CCDC171: variants seen among roughly 807,000 people sequenced by gnomAD.
CCDC171 encodes the protein coiled-coil domain containing 171, also known as coiled-coil domain-containing protein 171.
Under a neutral mutation model 168.2 loss-of-function variants are expected in CCDC171, and 177 were observed. The ratio of observed to expected loss-of-function variants is 1.05; its 90% CI spans 0.93 to 1.19. CCDC171 has a LOEUF of 1.19. CCDC171 is among the 50% of genes most tolerant of loss of function. The pLI is 0.00. For missense variants in CCDC171, 1,991 were observed against 1,539.0 expected (o/e 1.29, Z -4.91); for synonymous variants, 687 against 540.8 (o/e 1.27, Z -3.75).
chr9:15,765,035 A>G (rs1001050126), intron 18 of CCDC171, among the ~76,000 whole-genome samples: 1 of 152,188 alleles, frequency 6.6e-6, no homozygotes, highest in Non-Finnish European at 1.5e-5. Context: ...AAGCCAAATA[A>G]AGTGTTTTAC....
At chr9:15,803,618 T>G (rs2058932713) in intron 21 of CCDC171, among the ~76,000 whole-genome samples, 1 of 152,156 alleles carries the variant, frequency 6.6e-6, no homozygotes, top group Non-Finnish European at 1.5e-5. Flanking sequence ...TCCATTGGTC[T>G]ATGTGTCTGT....
intron 16 of CCDC171, among the ~76,000 whole-genome samples, chr9:15,743,532 G>A (rs1314701105): frequency 6.6e-6 from 1 of 152,134 alleles, no homozygotes; most frequent in East Asian, 1.9e-4. Context: ...TTCATAGAGA[G>A]AGCCAATTTA....
At chr9:15,609,472 T>C (rs1038911634) in intron 6 of CCDC171, among the ~76,000 whole-genome samples, 4 of 152,194 alleles carry the variant, frequency 2.6e-5, no homozygotes, top group Non-Finnish European at 5.9e-5. Context: ...GATTGTTTTG[T>C]CTTAGATAAC....
intron 9 of CCDC171, among the ~76,000 whole-genome samples, chr9:15,673,113 A>G (rs1199855370): frequency 6.6e-6 from 1 of 152,140 alleles, no homozygotes; most frequent in East Asian, 1.9e-4. Flanking sequence ...TTCTCTTTGT[A>G]GCAATTATGA....
chr9:15,929,833 CAA>C lies in CCDC171; in HGVS notation c.3753+9412_3753+9413del, dbSNP rs563892188. ...AAAGATTTCTCATATTCTAGAAACTCAAGAGTTGTTTTTTCTCTACAGTTTCC... is the reference window on the plus strand; with the variant it reads ...AAAGATTTCTCATATTCTAGAAACTCGAGTTGTTTTTTCTCTACAGTTTCC... On this transcript the variant is annotated intron_variant, in intron 25 of 25. Coordinates refer to ENST00000380701, the MANE Select transcript of CCDC171 (RefSeq NM_173550.4). Among the ~76,000 whole-genome samples, 760 of 151,772 alleles carry C rather than the reference CAA, an allele frequency of 5.0e-3. 2 individuals carry two copies. The highest frequency in any genetic ancestry group is 8.7e-3 in the Non-Finnish European group (590 of 67,766).
At chr9:15,654,808 C>T (rs1362426965) in intron 7 of CCDC171, among the ~76,000 whole-genome samples, 2 of 152,032 alleles carry the variant, frequency 1.3e-5, no homozygotes, top group Non-Finnish European at 2.9e-5. Context: ...GGGTGCAGGA[C>T]AGTGGGTGCA....
intron 7 of CCDC171, among the ~76,000 whole-genome samples, chr9:15,630,641 T>C (rs1308592429): frequency 2.6e-5 from 4 of 152,044 alleles, no homozygotes; most frequent in Admixed American, 6.6e-5. Context: ...AACAAGGATA[T>C]CCAGGAATTG....
intron 10 of CCDC171, among the ~76,000 whole-genome samples, chr9:15,691,161 G>A (rs114437165): frequency 1.7e-3 from 259 of 152,010 alleles, no homozygotes; most frequent in African/African-American, 5.7e-3. Context: ...TTGTAGTGTC[G>A]TCACTAATAG....
At chr9:15,663,608 CTTTTTTTTTT>C (rs56022914) in intron 8 of CCDC171, among the ~76,000 whole-genome samples, 1 of 123,228 alleles carries the variant, frequency 8.1e-6, no homozygotes, top group Non-Finnish European at 1.8e-5. Flanking sequence ...CTTTTTTTTT[CTTTTTTTTTT>C]TTTTTGAGAG....
At chr9:15,566,129 C>T (rs1353455239) in intron 2 of CCDC171, among the ~76,000 whole-genome samples, 1 of 150,494 alleles carries the variant, frequency 6.6e-6, no homozygotes, top group Non-Finnish European at 1.5e-5. Flanking sequence ...TTTGCATGTG[C>T]TTTTTGGTAA....
intron 18 of CCDC171, among the ~76,000 whole-genome samples, chr9:15,777,399 G>A (rs189709527): frequency 1.3e-5 from 2 of 152,040 alleles, no homozygotes; most frequent in Non-Finnish European, 2.9e-5. Context: ...TTTTTTTGAT[G>A]TATTCTTTAG....
At chr9:15,902,281 T>TATATACACAC (rs1554673437) in intron 24 of CCDC171, among the ~76,000 whole-genome samples, 1 of 145,160 alleles carries the variant, frequency 6.9e-6, no homozygotes, top group African/African-American at 2.6e-5. Flanking sequence ...TATATATATA[T>TATATACACAC]ACACACACAC....
At chr9:15,564,920 C>T (rs1376945358) in intron 2 of CCDC171, among the ~76,000 whole-genome samples, 2 of 152,104 alleles carry the variant, frequency 1.3e-5, no homozygotes, top group African/African-American at 2.4e-5. Context: ...TTTACAAAAT[C>T]ATCATGGATG....
chr9:15,809,895 C>T (rs1471955350), intron 21 of CCDC171, among the ~76,000 whole-genome samples: 3 of 152,090 alleles, frequency 2.0e-5, no homozygotes, highest in East Asian at 3.9e-4. Flanking sequence ...GTTCATTTTA[C>T]AGAGAGATGA....
chr9:16,100,901 C>T, the CCDC171 span, among the ~76,000 whole-genome samples: 34 of 152,278 alleles, frequency 2.2e-4, no homozygotes, highest in South Asian at 1.5e-3. Context: ...CTCTCCTCTC[C>T]GATTCCCTAC....
intron 21 of CCDC171, among the ~76,000 whole-genome samples, chr9:15,803,948 C>A (rs192455365): frequency 6.6e-6 from 1 of 151,674 alleles, no homozygotes; most frequent in East Asian, 1.9e-4. Context: ...TGGTCCTTCA[C>A]TTCCCTTGTT....
At chr9:16,064,800 C>G (rs1053656844), downstream of CCDC171, among the ~76,000 whole-genome samples, 1 of 152,202 alleles carries the variant, frequency 6.6e-6, no homozygotes, top group Non-Finnish European at 1.5e-5. Flanking sequence ...TTTCTGTATA[C>G]CACAAAAGCG....
chr9:15,743,066 C>T (rs538745154), intron 16 of CCDC171, among the ~76,000 whole-genome samples: 2 of 151,318 alleles, frequency 1.3e-5, no homozygotes, highest in South Asian at 2.1e-4. Flanking sequence ...GGTGTGAGCC[C>T]TTATGCCTGG....
intron 5 of CCDC171, 51 bp downstream of exon 5, chr9:15,591,607 T>A: frequency 1.0e-6 from 1 of 1,003,850 alleles, no homozygotes; most frequent in Non-Finnish European, 1.5e-6. Flanking sequence ...TTCACCGAGA[T>A]GTGTTGTACA....
Sources: allele counts gnomAD v4.1 joint callset (sites outside exome capture counted in the v4.1 genomes callset), GRCh38; gene constraint gnomAD v4.1.1; transcripts MANE v1.5; gene names NCBI Gene and HGNC (gene_info 2026-07-23, HGNC 2026-07-21).